The following ELMO1 variants were observed in gnomAD, a reference collection of about 807,000 sequenced individuals.
The protein encoded by ELMO1 is engulfment and cell motility 1, also known as engulfment and cell motility protein 1.
ELMO1 carries 26 observed loss-of-function variants against 98.9 expected under a neutral mutation model. The observed-to-expected ratio is 0.26, with a 90% CI of 0.19 to 0.36. The LOEUF is 0.36. Among genes scored for constraint, ELMO1 ranks in the 10% least tolerant of loss-of-function variants. ELMO1 has a pLI of 1.00. For missense variants in ELMO1, 627 were observed against 935.2 expected (o/e 0.67, Z 4.30); for synonymous variants, 346 against 346.0 (o/e 1.00, Z 0.00).
At chr7:37,115,818 C>T (rs1328910977) in intron 14 of ELMO1, among the ~76,000 whole-genome samples, 1 of 151,060 alleles carries the variant, frequency 6.6e-6, no homozygotes, top group Non-Finnish European at 1.5e-5. Context: ...TCACAGGGGA[C>T]ATGATTGTCT....
At chr7:37,006,489 G>C (rs532514719) in intron 16 of ELMO1, among the ~76,000 whole-genome samples, 2 of 152,336 alleles carry the variant, frequency 1.3e-5, no homozygotes, top group Admixed American at 1.3e-4. Flanking sequence ...AACTGGGACT[G>C]CCACCAGATC....
Position 36,953,040 on chromosome 7 carries a change from C to T in ELMO1, c.1438-58023G>A, listed in dbSNP as rs147006635. On this transcript the variant is annotated intron_variant, in intron 16 of 21. Coordinates refer to ENST00000310758, the MANE Select transcript of ELMO1 (RefSeq NM_014800.11). The stretch of plus-strand genomic sequence containing the variant: ...CAGCTAAAGTACAGTGGCGCGATCT[C>T]GGCTCAGGGCAAGCTCCCGGGTTCA... Among the ~76,000 whole-genome samples, 533 of 143,024 alleles carry T rather than the reference C, an allele frequency of 3.7e-3. 1 individual carries two copies. The highest frequency in any genetic ancestry group is 5.9e-3 in the Non-Finnish European group (396 of 66,784). The allele number at this position is 143,024 out of a possible 152,430, so 93.8% of individuals were successfully genotyped here. A position where few individuals can be genotyped will look rare whatever the true frequency, so the allele number is the denominator to read the frequency against.
chr7:36,952,825 G>C (rs773553221), intron 16 of ELMO1, among the ~76,000 whole-genome samples: 2 of 152,106 alleles, frequency 1.3e-5, no homozygotes, highest in Non-Finnish European at 1.5e-5. Flanking sequence ...AGGAGGAAGA[G>C]AGCAGTATCA....
chr7:37,013,389 G>A lies in ELMO1; in HGVS notation c.1347C>T (p.Asp449=), dbSNP rs760713377. The A allele has an allele frequency of 1.3e-5, 21 of 1,613,972 alleles. No individual in the cohort carries two copies. The East Asian group carries it at 4.7e-4, about 36-fold the overall frequency. ...TGCAGAAAAACTCCTCAAAGGATCT[G>A]TCGTGGGTGAAGAACATCGGGTGGA... ...NDFHPMFFTH[D]RSFEEFFCIC... Residue 449 remains aspartate, a synonymous_variant, in exon 16 of 22, where the codon GAC becomes GAT. Coordinates refer to ENST00000310758, the MANE Select transcript of ELMO1 (RefSeq NM_014800.11).
At chr7:37,321,738 A>AAAAAAAAAAAAC (rs1799517672) in intron 2 of ELMO1, among the ~76,000 whole-genome samples, 1 of 143,712 alleles carries the variant, frequency 7.0e-6, no homozygotes, top group South Asian at 2.2e-4. Context: ...AAAAAAAAAA[A>AAAAAAAAAAAAC]CACAGAAAAG....
At chr7:36,959,229 C>T (rs1788731349) in intron 16 of ELMO1, among the ~76,000 whole-genome samples, 1 of 152,096 alleles carries the variant, frequency 6.6e-6, no homozygotes, top group Non-Finnish European at 1.5e-5. Context: ...CACATCTGCC[C>T]TTGCCAGATC....
chr7:37,085,661 C>T (rs181510553), intron 15 of ELMO1, among the ~76,000 whole-genome samples: 8 of 152,118 alleles, frequency 5.3e-5, no homozygotes, highest in Admixed American at 1.3e-4. Flanking sequence ...AAAAATAACC[C>T]GTGGGTCCAA....
intron 20 of ELMO1, among the ~76,000 whole-genome samples, chr7:36,862,595 G>A (rs1802722811): frequency 6.6e-6 from 1 of 152,216 alleles, no homozygotes; most frequent in Non-Finnish European, 1.5e-5. Flanking sequence ...AGTGGTCTGA[G>A]CGGTCAGCAG....
At chr7:37,367,707 T>A (rs1227886419) in intron 1 of ELMO1, among the ~76,000 whole-genome samples, 2 of 152,128 alleles carry the variant, frequency 1.3e-5, no homozygotes, top group Non-Finnish European at 2.9e-5. Context: ...GCCACAGTTA[T>A]GGAATCAGAA....
intron 13 of ELMO1, among the ~76,000 whole-genome samples, chr7:37,190,383 C>A (rs1032661436): frequency 2.0e-5 from 3 of 152,044 alleles, no homozygotes; most frequent in Non-Finnish European, 4.4e-5. Context: ...AAGTTTTGTA[C>A]CTAAAACATG....
chr7:37,271,044 A>T (rs1452274707), intron 5 of ELMO1: 2 of 151,360 alleles, frequency 1.3e-5, no homozygotes, highest in African/African-American at 4.9e-5. Flanking sequence ...GTTTCACGCC[A>T]TTCTCCTGCC....
chr7:37,228,024 C>T (rs2130585052), intron 8 of ELMO1, among the ~76,000 whole-genome samples: 1 of 152,336 alleles, frequency 6.6e-6, no homozygotes, highest in African/African-American at 2.4e-5. Flanking sequence ...ACACCTGGGG[C>T]ACTCAATGCA....
chr7:36,861,582 T>C, intron 21 of ELMO1, 77 bp downstream of exon 21: 1 of 1,509,338 alleles, frequency 6.6e-7, no homozygotes, highest in Non-Finnish European at 9.1e-7. Context: ...CTATTTTTCT[T>C]AAGTAAAATT....
chr7:37,107,246 A>G (rs774076133), intron 14 of ELMO1, among the ~76,000 whole-genome samples: 1 of 152,142 alleles, frequency 6.6e-6, no homozygotes, highest in Non-Finnish European at 1.5e-5. Context: ...ACTTCCTTTT[A>G]TGTACCTCTA....
At chr7:37,341,469 G>A (rs1800717052) in intron 2 of ELMO1, among the ~76,000 whole-genome samples, 1 of 152,162 alleles carries the variant, frequency 6.6e-6, no homozygotes, top group Non-Finnish European at 1.5e-5. Context: ...GTTTGTATAG[G>A]TTCCTTCTTG....
chr7:37,005,024 G>A (rs1189878829), intron 16 of ELMO1, among the ~76,000 whole-genome samples: 5 of 140,874 alleles, frequency 3.5e-5, no homozygotes, highest in Non-Finnish European at 7.5e-5. Context: ...CAGGAGAATC[G>A]CTTGAACCAG....
At chr7:37,167,912 T>G (rs1789836617) in intron 13 of ELMO1, among the ~76,000 whole-genome samples, 1 of 152,160 alleles carries the variant, frequency 6.6e-6, no homozygotes, top group Non-Finnish European at 1.5e-5. Flanking sequence ...GAAGTTCTCC[T>G]GGATAATATC....
rs151257855 is a variant in ELMO1 at position 36,868,174 on chromosome 7, T to C, written c.1905+2219A>G. Among the ~76,000 whole-genome samples, 42 of 152,312 alleles carry C rather than the reference T, an allele frequency of 2.8e-4. No individual in the cohort carries two copies. In the East Asian group the frequency reaches 7.3e-3, roughly 27 times the overall value. ...TCTGTTCTATCAGTTTCATAACTCA[T>C]GGATTTTGATATCTTCATGTTAAGT... On this transcript the variant is annotated intron_variant, in intron 20 of 21. Transcript: ENST00000310758.
intron 7 of ELMO1, among the ~76,000 whole-genome samples, chr7:37,241,707 T>C (rs1794772430): frequency 6.6e-6 from 1 of 152,178 alleles, no homozygotes; most frequent in African/African-American, 2.4e-5. Context: ...TGTGCACCAT[T>C]AGTATATTAA....
Sources: gnomAD v4.1 joint callset for allele counts (sites outside exome capture counted in the v4.1 genomes callset) on GRCh38, gnomAD v4.1.1 for gene constraint, MANE v1.5 for transcripts, NCBI Gene and HGNC (gene_info 2026-07-23, HGNC 2026-07-21) for gene names.